Variants in EXOC4 observed in about 807,000 individuals in gnomAD.
EXOC4 encodes the protein SEC8-like 1.
A neutral mutation model predicts 107.2 loss-of-function variants in EXOC4; 71 were observed. That is an observed-to-expected ratio of 0.66 (90% CI 0.55 to 0.81). The LOEUF (loss-of-function observed/expected upper bound fraction) is 0.81, where lower values mean the gene tolerates loss of function less well. Among genes scored for constraint, EXOC4 ranks in the 30% least tolerant of loss-of-function variants. The pLI is 0.00. For missense variants in EXOC4, 1,108 were observed against 1,189.6 expected (o/e 0.93, Z 1.01); for synonymous variants, 456 against 441.2 (o/e 1.03, Z -0.42).
chr7:133,278,422 A>G (rs1331302234), intron 2 of EXOC4, among the ~76,000 whole-genome samples: 1 of 152,178 alleles, frequency 6.6e-6, no homozygotes, highest in Non-Finnish European at 1.5e-5. Flanking sequence ...CCCACTCACC[A>G]GGGAGGGGAG....
chr7:133,576,647 C>T (rs758209487), intron 9 of EXOC4: 2 of 1,289,654 alleles, frequency 1.6e-6, no homozygotes, highest in South Asian at 1.2e-5. Flanking sequence ...TGATCTCACT[C>T]AGTTGAAAAA....
chr7:133,263,464 C>T (rs1376244291), intron 1 of EXOC4, among the ~76,000 whole-genome samples: 5 of 148,870 alleles, frequency 3.4e-5, no homozygotes, highest in Admixed American at 6.8e-5. Context: ...TCACTTCATC[C>T]TCTGCCTCCC....
chr7:133,649,770 G>A (rs1803094125), intron 10 of EXOC4, among the ~76,000 whole-genome samples: 1 of 152,252 alleles, frequency 6.6e-6, no homozygotes, highest in African/African-American at 2.4e-5. Flanking sequence ...GTGGCTTGAA[G>A]TGGTTATTTA....
chr7:133,362,420 T>C (rs1341466290), intron 6 of EXOC4, among the ~76,000 whole-genome samples: 1 of 152,240 alleles, frequency 6.6e-6, no homozygotes, highest in East Asian at 1.9e-4. Context: ...TGAATAATTC[T>C]AACGCTGAGT....
intron 13 of EXOC4, among the ~76,000 whole-genome samples, chr7:133,922,779 G>A (rs1202030004): frequency 1.3e-5 from 2 of 152,022 alleles, no homozygotes; most frequent in African/African-American, 4.8e-5. Flanking sequence ...AACCCAAGAG[G>A]CGAGGCTTGC....
chr7:134,056,327 G>C (rs1239490516), intron 17 of EXOC4, among the ~76,000 whole-genome samples: 1 of 152,132 alleles, frequency 6.6e-6, no homozygotes, highest in South Asian at 2.1e-4. Context: ...AACATTTACA[G>C]AAGTATGAGA....
chr7:133,313,713 A>T (rs953802977), intron 4 of EXOC4, among the ~76,000 whole-genome samples: 1 of 152,202 alleles, frequency 6.6e-6, no homozygotes, highest in Admixed American at 6.5e-5. Flanking sequence ...TTGAAATCTA[A>T]CATTTAGAAG....
chr7:133,590,103 C>T (rs957786305), intron 9 of EXOC4, among the ~76,000 whole-genome samples: 3 of 152,040 alleles, frequency 2.0e-5, no homozygotes, highest in African/African-American at 4.8e-5. Flanking sequence ...TGGCTCCTCT[C>T]CTTGTCTAAG....
intron 7 of EXOC4, among the ~76,000 whole-genome samples, chr7:133,448,456 CCTGT>C (rs1376842501): frequency 6.6e-6 from 1 of 152,028 alleles, no homozygotes; most frequent in Non-Finnish European, 1.5e-5. Flanking sequence ...CACCACCATG[CCTGT>C]CTAATTTTTA....
chr7:133,845,412 T>G (rs1798106227), intron 11 of EXOC4, among the ~76,000 whole-genome samples: 1 of 147,852 alleles, frequency 6.8e-6, no homozygotes, highest in Admixed American at 6.8e-5. Flanking sequence ...TACTATATTT[T>G]ATATATATCT....
chr7:133,985,446 C>CT (rs1286077985), intron 14 of EXOC4, among the ~76,000 whole-genome samples: 3 of 152,188 alleles, frequency 2.0e-5, no homozygotes, highest in Non-Finnish European at 4.4e-5. Flanking sequence ...TGCTGTAACT[C>CT]TAAGACCAGT....
intron 2 of EXOC4, among the ~76,000 whole-genome samples, chr7:133,277,412 T>G (rs1794021389): frequency 6.6e-6 from 1 of 152,244 alleles, no homozygotes; most frequent in Non-Finnish European, 1.5e-5. Flanking sequence ...GACTTTGTCC[T>G]AATCTCATGG....
At chr7:133,806,997 CCTCATATCGCAGGG>C (rs1200397373) in intron 10 of EXOC4, among the ~76,000 whole-genome samples, 1 of 152,134 alleles carries the variant, frequency 6.6e-6, no homozygotes. Flanking sequence ...TACGGTCGGC[CCTCATATCGCAGGG>C]CTCTGCATCC....
chr7:133,693,699 A>C (rs978830727), intron 10 of EXOC4, among the ~76,000 whole-genome samples: 5 of 152,212 alleles, frequency 3.3e-5, no homozygotes, highest in Non-Finnish European at 7.3e-5. Context: ...TATTCTCGGC[A>C]TGGGTGATAG....
chr7:133,907,270 A>G (rs764607828), intron 12 of EXOC4, among the ~76,000 whole-genome samples: 3 of 152,214 alleles, frequency 2.0e-5, no homozygotes, highest in South Asian at 4.1e-4. Flanking sequence ...GTGTGCTCCT[A>G]TAATTTATTA....
intron 2 of EXOC4, among the ~76,000 whole-genome samples, chr7:133,287,623 A>G (rs1319420968): frequency 6.6e-6 from 1 of 152,178 alleles, no homozygotes; most frequent in Admixed American, 6.5e-5. Context: ...TACTATACTT[A>G]TTAAGAGAGG....
intron 7 of EXOC4, among the ~76,000 whole-genome samples, chr7:133,438,622 T>A (rs1798030069): frequency 1.3e-5 from 2 of 152,312 alleles, no homozygotes; most frequent in African/African-American, 4.8e-5. Flanking sequence ...AGCCTAGATA[T>A]GAAGAGCCAA....
chr7:133,586,521 T>C (rs1040219111), intron 9 of EXOC4, among the ~76,000 whole-genome samples: 2 of 152,220 alleles, frequency 1.3e-5, no homozygotes, highest in African/African-American at 4.8e-5. Context: ...CTACCATTGA[T>C]GGACATTTAG....
At chr7:133,696,060 CATGACAGTGTTAAAGT>C (rs1239318173) in intron 10 of EXOC4, among the ~76,000 whole-genome samples, 91 of 152,318 alleles carry the variant, frequency 6.0e-4, no homozygotes, top group African/African-American at 2.1e-3. Context: ...GCATTTAAAG[CATGACAGTGTTAAAGT>C]ATGCCCCGGC....
Sources: allele counts gnomAD v4.1 joint callset (sites outside exome capture counted in the v4.1 genomes callset), GRCh38; gene constraint gnomAD v4.1.1; transcripts MANE v1.5; gene names NCBI Gene and HGNC (gene_info 2026-07-23, HGNC 2026-07-21).